The following GABRG3 variants were observed in gnomAD, a reference collection of about 807,000 sequenced individuals.
GABRG3 encodes the protein gamma-aminobutyric acid receptor subunit gamma-3.
Under a neutral mutation model 48.8 loss-of-function variants are expected in GABRG3, and 25 were observed. The observed-to-expected ratio is 0.51, with a 90% confidence interval of 0.37 to 0.72. The LOEUF (loss-of-function observed/expected upper bound fraction) is 0.72. GABRG3 is among the 30% of genes least tolerant of loss of function. The probability of loss-of-function intolerance (pLI) is 0.00; values close to 1 mark genes in which losing one functional copy is unlikely to be tolerated. For synonymous variants in GABRG3, 227 were observed against 217.6 expected (o/e 1.04, Z -0.38); for missense variants, 394 against 577.9 (o/e 0.68, Z 3.26).
At chr15:27,110,739 T>C (rs1566937934) in intron 3 of GABRG3, among the ~76,000 whole-genome samples, 1 of 152,190 alleles carries the variant, frequency 6.6e-6, no homozygotes, top group African/African-American at 2.4e-5. Context: ...TGATGAGACA[T>C]CCACTGTAAT....
At chr15:26,971,752 T>G (rs920153934) in intron 1 of GABRG3, among the ~76,000 whole-genome samples, 164 bp downstream of exon 1, 4 of 152,230 alleles carry the variant, frequency 2.6e-5, no homozygotes, top group Admixed American at 2.6e-4. Context: ...CTGTCCCAGC[T>G]CCCTTGGACA....
chr15:27,372,254 G>T (rs540664964), intron 5 of GABRG3, among the ~76,000 whole-genome samples: 225 of 152,236 alleles, frequency 1.5e-3, no homozygotes, highest in Non-Finnish European at 2.6e-3. Context: ...TGGGGCTAAA[G>T]ATAATACTTG....
At chr15:27,432,240 A>G (rs1888476207) in intron 5 of GABRG3, among the ~76,000 whole-genome samples, 1 of 152,212 alleles carries the variant, frequency 6.6e-6, no homozygotes, top group Admixed American at 6.5e-5. Flanking sequence ...TTGTTTCGAT[A>G]TGGCTAGCTG....
intron 5 of GABRG3, among the ~76,000 whole-genome samples, chr15:27,454,664 C>G (rs1889210781): frequency 6.6e-6 from 1 of 152,126 alleles, no homozygotes; most frequent in South Asian, 2.1e-4. Context: ...TTTTAGCTAT[C>G]TGGAACAGTA....
intron 3 of GABRG3, among the ~76,000 whole-genome samples, chr15:27,096,856 T>G (rs1474171513): frequency 1.4e-4 from 18 of 131,186 alleles, no homozygotes; most frequent in South Asian, 1.3e-3. Context: ...TTTTTTTTTT[T>G]GGGAGAATGT....
intron 5 of GABRG3, among the ~76,000 whole-genome samples, chr15:27,473,387 T>G (rs528530965): frequency 1.8e-4 from 28 of 152,300 alleles, no homozygotes; most frequent in Admixed American, 3.3e-4. Context: ...GTGCAATTTT[T>G]TACAGGGGAA....
At chr15:27,128,530 G>A (rs758488358) in intron 3 of GABRG3, among the ~76,000 whole-genome samples, 4 of 152,210 alleles carry the variant, frequency 2.6e-5, no homozygotes, top group South Asian at 2.1e-4. Flanking sequence ...CCCTTCTAGT[G>A]TGTGAATGTT....
chr15:27,381,750 T>C (rs1380146105), intron 5 of GABRG3, among the ~76,000 whole-genome samples: 1 of 152,216 alleles, frequency 6.6e-6, no homozygotes, highest in Non-Finnish European at 1.5e-5. Flanking sequence ...GTCCTCCTAC[T>C]TTTTTGTTTC....
intron 3 of GABRG3, among the ~76,000 whole-genome samples, chr15:27,113,108 A>G (rs1490844077): frequency 6.6e-6 from 1 of 151,956 alleles, no homozygotes; most frequent in African/African-American, 2.4e-5. Flanking sequence ...CATTGGGCCT[A>G]TATTTTTTCA....
chr15:27,227,975 A>G (rs976816044), intron 3 of GABRG3, among the ~76,000 whole-genome samples: 2 of 152,242 alleles, frequency 1.3e-5, no homozygotes, highest in African/African-American at 4.8e-5. Flanking sequence ...AATGCTCAAA[A>G]GGGTTAAATG....
chr15:27,195,939 C>T (rs1325100063), intron 3 of GABRG3, among the ~76,000 whole-genome samples: 2 of 148,662 alleles, frequency 1.3e-5, no homozygotes, highest in African/African-American at 4.9e-5. Context: ...CCAGCCACCG[C>T]ACCCAGCCAG....
At chr15:27,327,844 C>T (rs1230834683) in intron 4 of GABRG3, among the ~76,000 whole-genome samples, 1 of 152,172 alleles carries the variant, frequency 6.6e-6, no homozygotes, top group Non-Finnish European at 1.5e-5. Context: ...CATCTCCCCA[C>T]TCTGCTCTTT....
intron 3 of GABRG3, among the ~76,000 whole-genome samples, chr15:27,093,017 CCA>C (rs1897215946): frequency 6.6e-6 from 1 of 151,996 alleles, no homozygotes; most frequent in African/African-American, 2.4e-5. Flanking sequence ...GCACACATCC[CCA>C]GTCACTGAAC....
intron 3 of GABRG3, among the ~76,000 whole-genome samples, chr15:27,212,980 C>T (rs1047059130): frequency 6.6e-6 from 1 of 152,194 alleles, no homozygotes; most frequent in Non-Finnish European, 1.5e-5. Flanking sequence ...TGTGTTTATC[C>T]ATCCCCTCTC....
intron 3 of GABRG3, among the ~76,000 whole-genome samples, chr15:27,263,325 T>A (rs1304648624): frequency 6.6e-6 from 1 of 152,174 alleles, no homozygotes; most frequent in Non-Finnish European, 1.5e-5. Flanking sequence ...AACTGTTAAG[T>A]CCTGAGAAAA....
chr15:27,400,617 G>T (rs1296867410), intron 5 of GABRG3, among the ~76,000 whole-genome samples: 1 of 152,112 alleles, frequency 6.6e-6, no homozygotes, highest in Non-Finnish European at 1.5e-5. Context: ...AATTTTAAAC[G>T]AGTTTAGAGC....
chr15:27,333,817 A>C (rs1262511630), intron 5 of GABRG3, among the ~76,000 whole-genome samples: 2 of 152,244 alleles, frequency 1.3e-5, no homozygotes, highest in Admixed American at 1.3e-4. Flanking sequence ...TTTCACTAAA[A>C]GGAAAAATCA....
intron 3 of GABRG3, among the ~76,000 whole-genome samples, chr15:27,195,824 G>T (rs545670290): frequency 6.6e-6 from 1 of 152,034 alleles, no homozygotes; most frequent in South Asian, 2.1e-4. Flanking sequence ...TAGTAGAGAC[G>T]GGGTTTCACT....
At chr15:27,100,255 G>GT (rs1226441282) in intron 3 of GABRG3, among the ~76,000 whole-genome samples, 2 of 150,678 alleles carry the variant, frequency 1.3e-5, no homozygotes, top group African/African-American at 4.9e-5. Flanking sequence ...TAATGGACCA[G>GT]TTTTTTTAAA....
Sources: allele counts gnomAD v4.1 joint callset (sites outside exome capture counted in the v4.1 genomes callset), GRCh38; gene constraint gnomAD v4.1.1; transcripts MANE v1.5; gene names NCBI Gene and HGNC (gene_info 2026-07-23, HGNC 2026-07-21).